EVC2: variants seen among roughly 807,000 people sequenced by gnomAD.
The protein encoded by EVC2 is limbin.
Under a neutral mutation model 149.3 loss-of-function variants are expected in EVC2, and 148 were observed. The ratio of observed to expected loss-of-function variants is 0.99; its 90% confidence interval spans 0.87 to 1.14. The LOEUF (loss-of-function observed/expected upper bound fraction) is 1.14. EVC2 is among the 50% of genes most tolerant of loss of function. The pLI is 0.00. For synonymous variants in EVC2, 776 were observed against 649.9 expected, an observed-to-expected ratio of 1.19 and a Z score of -2.95; for missense variants, 1,854 against 1,627.3, an observed-to-expected ratio of 1.14 and a Z score of -2.40.
chr4:5,617,133 CA>C (rs1299973658), intron 15 of EVC2, among the ~76,000 whole-genome samples: 9 of 152,130 alleles, frequency 5.9e-5, no homozygotes, highest in African/African-American at 2.2e-4. Flanking sequence ...TCAAAGATTC[CA>C]AGTTGTTTCT....
At chr4:5,688,383 C>T (rs564811701) in intron 5 of EVC2, among the ~76,000 whole-genome samples, 86 of 152,278 alleles carry the variant, frequency 5.6e-4, no homozygotes, top group African/African-American at 2.0e-3. Context: ...ACTGCCTGAG[C>T]TTGACTCAGC....
chr4:5,698,108 C>T (rs898536511), intron 1 of EVC2, among the ~76,000 whole-genome samples: 1 of 152,108 alleles, frequency 6.6e-6, no homozygotes, highest in Non-Finnish European at 1.5e-5. Context: ...CGGCCATTCC[C>T]GGCAGCTTCT....
At chr4:5,649,208 GT>G (rs1193583687) in intron 9 of EVC2, among the ~76,000 whole-genome samples, 1 of 152,034 alleles carries the variant, frequency 6.6e-6, no homozygotes, top group East Asian at 1.9e-4. Context: ...AGGAACATTT[GT>G]TTTTTTGAGG....
At chr4:5,617,404 T>C (rs546742247) in intron 15 of EVC2, among the ~76,000 whole-genome samples, 1 of 152,210 alleles carries the variant, frequency 6.6e-6, no homozygotes, top group Admixed American at 6.5e-5. Flanking sequence ...TCAACTATTA[T>C]TACTTTAAGA....
In EVC2 at chr4:5,625,635, C is replaced by T; in HGVS notation, c.2046+114G>A. On this transcript the variant is annotated intron_variant, in intron 13 of 21. Transcript: ENST00000344408. The surrounding 1 kb of genome is among the most constrained non-coding windows in gnomAD (Gnocchi z 4.0). Reference sequence around the variant, plus strand: ...TAGATGGCACATCATGGTGCCTGCCCAGCTGCCCTTCTGATCCTAGTTCAC... The same window carrying T: ...TAGATGGCACATCATGGTGCCTGCCTAGCTGCCCTTCTGATCCTAGTTCAC... 11 of 1,393,106 alleles carry T rather than the reference C, an allele frequency of 7.9e-6. No individual in the cohort carries two copies. Among genetic ancestry groups the T allele is most frequent in the Non-Finnish European group, 1.0e-5 (10 of 1,000,226 alleles). The allele number at this position is 1,393,106 out of a possible 1,614,324, so 86.3% of individuals were successfully genotyped here.
At chr4:5,699,642 CAAA>C (rs773633372) in intron 1 of EVC2, among the ~76,000 whole-genome samples, 2 of 111,748 alleles carry the variant, frequency 1.8e-5, no homozygotes, top group African/African-American at 3.6e-5. Flanking sequence ...TCCATCTCTA[CAAA>C]AAAAAAAAAA....
At position 5,625,596 on chromosome 4, in the gene EVC2, C is replaced by T. The variant is rs1358806655; in HGVS notation, c.2046+153G>A. ...CTGAACACAGCATTCCAAAAAGTCG[C>T]TACCAATCAACAGTAGATGGCACAT... is the stretch of plus-strand genomic sequence containing the variant. On this transcript the variant is annotated intron_variant, in intron 13 of 21. Transcript: ENST00000344408. This position sits in a 1 kb window ranked among gnomAD's most constrained non-coding sequence, Gnocchi z 4.0. 2.0e-5 allele frequency among the ~76,000 whole-genome samples: 3 copies of T among 152,178 alleles called. No individual in the cohort carries two copies. The highest frequency in any genetic ancestry group is 4.4e-5 in the Non-Finnish European group (3 of 68,038).
chr4:5,543,940 G>C (rs1229049143), intron 21 of EVC2, among the ~76,000 whole-genome samples: 4 of 152,208 alleles, frequency 2.6e-5, no homozygotes, highest in African/African-American at 9.6e-5. Context: ...GGGCCATCAT[G>C]AGGAGACCCA....
the EVC2 span, among the ~76,000 whole-genome samples, chr4:5,537,627 A>G: frequency 6.6e-6 from 1 of 152,244 alleles, no homozygotes; most frequent in African/African-American, 2.4e-5. Flanking sequence ...AGTTACAAGA[A>G]TACAAAGTAC....
At chr4:5,619,122 C>G (rs1290854128) in intron 14 of EVC2, among the ~76,000 whole-genome samples, 3 of 152,120 alleles carry the variant, frequency 2.0e-5, no homozygotes, top group African/African-American at 7.2e-5. Context: ...ATGACTGGTT[C>G]CAAAGGGTAA....
chr4:5,586,926 T>A (rs1380945376), intron 16 of EVC2, among the ~76,000 whole-genome samples: 1 of 152,168 alleles, frequency 6.6e-6, no homozygotes, highest in African/African-American at 2.4e-5. Flanking sequence ...CTTGGCAAAA[T>A]AAATTTTCTA....
chr4:5,701,379 G>A (rs1721816065), intron 1 of EVC2, among the ~76,000 whole-genome samples: 1 of 152,216 alleles, frequency 6.6e-6, no homozygotes, highest in Non-Finnish European at 1.5e-5. Context: ...ACAGGTTCCA[G>A]GGGTCTGGAC....
downstream of EVC2, among the ~76,000 whole-genome samples, chr4:5,540,217 C>G (rs950461973): frequency 6.6e-6 from 1 of 152,182 alleles, no homozygotes; most frequent in Non-Finnish European, 1.5e-5. Context: ...AACCAGAACT[C>G]CCCTCCATGG....
rs563391161 is a variant in EVC2, at chr4:5,576,108, G to C, written c.3272+132C>G. The C allele has an allele frequency of 3.5e-6, 5 of 1,435,638 alleles. No individual in the cohort carries two copies. The South Asian group carries it at 3.6e-5, about 10-fold the overall frequency. 88.9% of individuals were successfully genotyped at this position (1,435,638 alleles called of 1,614,324 possible). ...GCTACAAAGCCAGCAGCTCGTGTTG[G>C]AGCAATGGGATGACACCTTAGGCAA... On this transcript the variant is annotated intron_variant, in intron 18 of 21. Coordinates refer to ENST00000344408, the MANE Select transcript of EVC2 (RefSeq NM_147127.5). The surrounding 1 kb of genome is among the most constrained non-coding windows in gnomAD (Gnocchi z 4.5).
At chr4:5,676,616 A>G (rs1720011415) in intron 7 of EVC2, among the ~76,000 whole-genome samples, 1 of 152,164 alleles carries the variant, frequency 6.6e-6, no homozygotes, top group Non-Finnish European at 1.5e-5. Context: ...CATGCCTGAC[A>G]AGCAGTCAAC....
At chr4:5,538,531 G>C (rs1211236975), downstream of EVC2, among the ~76,000 whole-genome samples, 1 of 151,990 alleles carries the variant, frequency 6.6e-6, no homozygotes, top group East Asian at 1.9e-4. Context: ...GAAAACCAAA[G>C]ATCAATATTC....
chr4:5,543,103 T>C (rs1721547155), exon 22 of EVC2: 2 of 1,283,620 alleles, frequency 1.6e-6, no homozygotes, highest in Non-Finnish European at 2.0e-6. Flanking sequence ...AACTCATCTA[T>C]GTTTGGGACA....
At chr4:5,628,090 A>G (rs1286668583) in intron 12 of EVC2, among the ~76,000 whole-genome samples, 1 of 152,166 alleles carries the variant, frequency 6.6e-6, no homozygotes, top group Non-Finnish European at 1.5e-5. Flanking sequence ...ATTCTTCTTC[A>G]GAAATAATAA....
At chr4:5,631,573 G>T (rs561651611) in intron 11 of EVC2, among the ~76,000 whole-genome samples, 4 of 150,652 alleles carry the variant, frequency 2.7e-5, no homozygotes, top group African/African-American at 9.7e-5. Flanking sequence ...AGACTGGGGG[G>T]GGGAACTGAA....
Sources: gnomAD v4.1 joint callset for allele counts (sites outside exome capture counted in the v4.1 genomes callset) on GRCh38, gnomAD v4.1.1 for gene constraint, Gnocchi (gnomAD v3.1) non-coding constraint, MANE v1.5 for transcripts, NCBI Gene and HGNC (gene_info 2026-07-23, HGNC 2026-07-21) for gene names.